GPC6: variants seen among roughly 807,000 people sequenced by gnomAD.
The protein encoded by GPC6 is glypican-6.
In GPC6, 14 loss-of-function variants were observed where a neutral mutation model predicts 55.2. The ratio of observed to expected loss-of-function variants is 0.25; its 90% confidence interval spans 0.17 to 0.40. The LOEUF (loss-of-function observed/expected upper bound fraction) is 0.40, where lower values mean the gene tolerates loss of function less well. Ranked by LOEUF, GPC6 falls within the 10% of genes least tolerant of loss-of-function variation. The pLI, the probability that GPC6 is intolerant of heterozygous loss-of-function variation, is 1.00. For missense variants in GPC6, 641 were observed against 708.5 expected (o/e 0.90, Z 1.08); for synonymous variants, 278 against 259.6 (o/e 1.07, Z -0.68).
At chr13:93,256,608 A>C (rs923454452) in intron 1 of GPC6, among the ~76,000 whole-genome samples, 23 of 152,308 alleles carry the variant, frequency 1.5e-4, no homozygotes, top group African/African-American at 5.5e-4. Context: ...AAATGGTGAC[A>C]ATGACCTAGG....
chr13:94,219,088 A>C (rs1409885675), intron 4 of GPC6, among the ~76,000 whole-genome samples: 2 of 152,188 alleles, frequency 1.3e-5, no homozygotes, highest in Admixed American at 6.5e-5. Flanking sequence ...GGTGTCTTTA[A>C]CTTCCTTTTT....
chr13:93,467,575 CTTTT>C (rs11426472), intron 1 of GPC6, among the ~76,000 whole-genome samples: 1 of 74,018 alleles, frequency 1.4e-5, no homozygotes. Flanking sequence ...AGCTGTGATT[CTTTT>C]TTTTTTTTTT....
intron 4 of GPC6, among the ~76,000 whole-genome samples, chr13:94,232,193 G>T (rs1030674889): frequency 1.3e-5 from 2 of 152,124 alleles, no homozygotes; most frequent in African/African-American, 4.8e-5. Flanking sequence ...TTCCTAAAAA[G>T]TATTCCTTTC....
intron 3 of GPC6, among the ~76,000 whole-genome samples, chr13:93,978,630 A>G (rs1436223095): frequency 6.6e-6 from 1 of 151,964 alleles, no homozygotes. Context: ...GTCAATTTCT[A>G]CTCTTCCTCC....
At chr13:93,233,756 G>A (rs922454512) in intron 1 of GPC6, among the ~76,000 whole-genome samples, 1 of 152,160 alleles carries the variant, frequency 6.6e-6, no homozygotes, top group Non-Finnish European at 1.5e-5. Context: ...CTGCAAACAT[G>A]AGGAGGGTTC....
At chr13:93,595,525 A>C (rs1877687081) in intron 2 of GPC6, among the ~76,000 whole-genome samples, 1 of 152,206 alleles carries the variant, frequency 6.6e-6, no homozygotes, top group Non-Finnish European at 1.5e-5. Context: ...AGTGAACTAT[A>C]GACCAGACAG....
chr13:94,175,991 G>C (rs1421819850), intron 4 of GPC6, among the ~76,000 whole-genome samples: 2 of 149,750 alleles, frequency 1.3e-5, no homozygotes, highest in Non-Finnish European at 3.0e-5. Context: ...GAGAGAGAGA[G>C]AGCGAGCTTG....
intron 2 of GPC6, among the ~76,000 whole-genome samples, chr13:93,822,855 T>TTTA (rs1019162631): frequency 3.1e-4 from 45 of 147,224 alleles, no homozygotes; most frequent in South Asian, 2.5e-3. Context: ...TTATTATTAT[T>TTTA]TTATTATTAT....
chr13:93,406,462 T>G (rs1234086596), intron 1 of GPC6, among the ~76,000 whole-genome samples: 2 of 152,178 alleles, frequency 1.3e-5, no homozygotes, highest in Non-Finnish European at 2.9e-5. Flanking sequence ...TCTCCTCACT[T>G]CTAGTCAGTT....
At chr13:94,290,118 A>C (rs1320684521) in intron 5 of GPC6, among the ~76,000 whole-genome samples, 7 of 152,188 alleles carry the variant, frequency 4.6e-5, no homozygotes. Flanking sequence ...TGAAGTAATA[A>C]AAATCATTAA....
chr13:93,623,455 C>CTTTTTT (rs567830011), intron 2 of GPC6, among the ~76,000 whole-genome samples: 63 of 116,164 alleles, frequency 5.4e-4, no homozygotes, highest in African/African-American at 1.6e-3. Context: ...CTTTTCTTTT[C>CTTTTTT]TTTTTTTTTT....
At chr13:93,545,461 A>C in intron 2 of GPC6, 40 bp downstream of exon 2, 1 of 1,531,918 alleles carries the variant, frequency 6.5e-7, no homozygotes, top group Non-Finnish European at 9.1e-7. Context: ...TTATAGGTGC[A>C]CTTTTCTATG....
chr13:93,341,716 T>C (rs4773736), intron 1 of GPC6, among the ~76,000 whole-genome samples: 10,243 of 151,492 alleles, frequency 0.068, 479 homozygotes, highest in East Asian at 0.12. Flanking sequence ...TTTCTTTTTT[T>C]TGCTGAGCAG....
chr13:94,376,961 A>G (rs1386928454), intron 6 of GPC6, among the ~76,000 whole-genome samples: 4 of 151,888 alleles, frequency 2.6e-5, no homozygotes. Flanking sequence ...AGGATTCCCT[A>G]TTTAATAAAT....
chr13:94,034,247 A>AGGAAG lies in GPC6; in HGVS notation c.877+6357_877+6358insGGGAA, dbSNP rs141372123. ...AAGGAAGGAAGGAAGGAAGGAAGGA[A>AGGAAG]GGAAAGAAAGAAAGAAAAGAGTTGG... is the stretch of plus-strand genomic sequence containing the variant. On this transcript the variant is annotated intron_variant, in intron 4 of 8. Transcript: ENST00000377047. Among the ~76,000 whole-genome samples the AGGAAG allele has an allele frequency of 3.2e-3, 469 of 147,040 alleles. 5 individuals are homozygous for AGGAAG. Among genetic ancestry groups the AGGAAG allele is most frequent in the East Asian group, 0.014 (69 of 4,952 alleles).
At chr13:93,358,666 A>G (rs1160841703) in intron 1 of GPC6, among the ~76,000 whole-genome samples, 1 of 152,220 alleles carries the variant, frequency 6.6e-6, no homozygotes, top group African/African-American at 2.4e-5. Flanking sequence ...TGAGCCTTTA[A>G]TACCAATCAT....
chr13:93,668,505 A>C (rs1881231520), intron 2 of GPC6, among the ~76,000 whole-genome samples: 2 of 152,204 alleles, frequency 1.3e-5, no homozygotes, highest in Non-Finnish European at 2.9e-5. Flanking sequence ...AATGTAAATA[A>C]ATTGAGGATT....
intron 4 of GPC6, among the ~76,000 whole-genome samples, chr13:94,127,473 C>T (rs959250519): frequency 6.6e-6 from 1 of 152,100 alleles, no homozygotes; most frequent in Non-Finnish European, 1.5e-5. Context: ...CTTCCTGAGG[C>T]CTCCCCAGAG....
intron 4 of GPC6, among the ~76,000 whole-genome samples, chr13:94,137,352 T>C (rs1366869719): frequency 2.0e-5 from 3 of 152,022 alleles, no homozygotes; most frequent in African/African-American, 7.2e-5. Flanking sequence ...CAGGGTGAAA[T>C]TTTGTCCAGC....
Sources: gnomAD v4.1 joint callset for allele counts (sites outside exome capture counted in the v4.1 genomes callset) on GRCh38, gnomAD v4.1.1 for gene constraint, MANE v1.5 for transcripts, NCBI Gene and HGNC (gene_info 2026-07-23, HGNC 2026-07-21) for gene names.